Variants in CAMK2D observed in about 807,000 individuals in gnomAD.
CAMK2D encodes calcium/calmodulin dependent protein kinase II delta.
Under a neutral mutation model 84.0 loss-of-function variants are expected in CAMK2D, and 37 were observed. The observed-to-expected ratio is 0.44, with a 90% CI of 0.34 to 0.58. CAMK2D has a LOEUF of 0.58. CAMK2D is among the 20% of genes least tolerant of loss of function. CAMK2D has a pLI of 0.02. For synonymous variants in CAMK2D, 202 were observed against 212.5 expected (o/e 0.95, Z 0.43); for missense variants, 448 against 652.5 (o/e 0.69, Z 3.41).
chr4:113,483,567 G>C (rs571505568), intron 16 of CAMK2D, among the ~76,000 whole-genome samples: 1 of 151,836 alleles, frequency 6.6e-6, no homozygotes, highest in Admixed American at 6.6e-5. Context: ...CACCACACCC[G>C]GCTAATTTTC....
At chr4:113,624,250 G>A (rs946246959) in intron 3 of CAMK2D, among the ~76,000 whole-genome samples, 3 of 152,160 alleles carry the variant, frequency 2.0e-5, no homozygotes, top group African/African-American at 7.2e-5. Flanking sequence ...AAAATAAAAA[G>A]TATGTCAAAT....
intron 16 of CAMK2D, among the ~76,000 whole-genome samples, chr4:113,494,997 G>A (rs1393041898): frequency 2.0e-5 from 3 of 152,168 alleles, no homozygotes; most frequent in Admixed American, 2.0e-4. Flanking sequence ...CCCTGCTTCG[G>A]CTCACGCACG....
chr4:113,534,769 T>C (rs1231234605), intron 7 of CAMK2D, among the ~76,000 whole-genome samples: 1 of 152,208 alleles, frequency 6.6e-6, no homozygotes, highest in Non-Finnish European at 1.5e-5. Flanking sequence ...ACTATTTCAC[T>C]CAATCTTATA....
At chr4:113,701,118 A>G (rs1441988639) in intron 2 of CAMK2D, among the ~76,000 whole-genome samples, 1 of 152,150 alleles carries the variant, frequency 6.6e-6, no homozygotes, top group Non-Finnish European at 1.5e-5. Flanking sequence ...TACTAGATTA[A>G]TTCTTCTAAA....
At chr4:113,760,852 C>G in intron 1 of CAMK2D, 152 bp downstream of exon 1, 1 of 908,192 alleles carries the variant, frequency 1.1e-6, no homozygotes, top group Non-Finnish European at 1.7e-6. Context: ...TTTATTAAGA[C>G]AGCACCTTCC....
chr4:113,570,660 A>G (rs2098748481), intron 4 of CAMK2D, among the ~76,000 whole-genome samples: 1 of 152,244 alleles, frequency 6.6e-6, no homozygotes, highest in Non-Finnish European at 1.5e-5. Flanking sequence ...AAAATAGATT[A>G]AAGACTTAAA....
chr4:113,633,978 T>C (rs1230766867), intron 3 of CAMK2D, among the ~76,000 whole-genome samples: 1 of 152,232 alleles, frequency 6.6e-6, no homozygotes, highest in Non-Finnish European at 1.5e-5. Flanking sequence ...GTGCATGTTT[T>C]ATTAAAAATA....
chr4:113,527,738 T>G (rs1398312788), intron 8 of CAMK2D, among the ~76,000 whole-genome samples: 6 of 152,114 alleles, frequency 3.9e-5, no homozygotes, highest in Non-Finnish European at 7.4e-5. Context: ...AGGTTTTAAA[T>G]TTTCAAAAAA....
intron 16 of CAMK2D, among the ~76,000 whole-genome samples, chr4:113,496,071 C>G (rs1196294707): frequency 6.6e-6 from 1 of 152,160 alleles, no homozygotes; most frequent in Non-Finnish European, 1.5e-5. Context: ...ACAGGTCCTG[C>G]AAACTGTGGC....
chr4:113,454,474 C>G lies in CAMK2D; in HGVS notation c.*71G>C, dbSNP rs777143439. On this transcript the variant is annotated 3_prime_UTR_variant, in exon 21 of 21. Coordinates refer to ENST00000511664, the MANE Select transcript of CAMK2D (RefSeq NM_001321571.2). ...CGGCCCAGGGTCACCATCCAGGTGC[C>G]TTGAGAACAGAGAATGCAGAAGTGG... is the stretch of plus-strand genomic sequence containing the variant. 1.3e-6 allele frequency: 1 copy of G among 778,120 alleles called. No individual in the cohort carries two copies. Among genetic ancestry groups the G allele is most frequent in the Non-Finnish European group, 2.4e-6 (1 of 416,402 alleles). The allele number at this position is 778,120 out of a possible 1,614,324, so 48.2% of individuals were successfully genotyped here.
At chr4:113,632,805 C>A (rs1489971379) in intron 3 of CAMK2D, among the ~76,000 whole-genome samples, 1 of 152,056 alleles carries the variant, frequency 6.6e-6, no homozygotes, top group African/African-American at 2.4e-5. Flanking sequence ...AGAAACAGAA[C>A]AGAATGTGAG....
intron 16 of CAMK2D, among the ~76,000 whole-genome samples, chr4:113,484,539 T>TA (rs2097745314): frequency 1.3e-5 from 2 of 152,136 alleles, no homozygotes; most frequent in African/African-American, 2.4e-5. Context: ...TGAGATTTTT[T>TA]AAAAAAGCCC....
chr4:113,548,106 T>C (rs2098596988), intron 5 of CAMK2D, among the ~76,000 whole-genome samples: 1 of 152,186 alleles, frequency 6.6e-6, no homozygotes, highest in South Asian at 2.1e-4. Context: ...CCAGTATTGT[T>C]CTAAAAGCTG....
chr4:113,516,741 A>G (rs1175134756), intron 9 of CAMK2D, among the ~76,000 whole-genome samples: 1 of 152,180 alleles, frequency 6.6e-6, no homozygotes, highest in African/African-American at 2.4e-5. Flanking sequence ...CTTGTGCACA[A>G]AAGGTGAACC....
At chr4:113,598,404 A>G (rs542488908) in intron 4 of CAMK2D, among the ~76,000 whole-genome samples, 13 of 152,338 alleles carry the variant, frequency 8.5e-5, no homozygotes, top group Non-Finnish European at 1.3e-4. Context: ...TCACACACCT[A>G]TGTTTTATGT....
At chr4:113,674,146 C>T (rs2099307984) in intron 2 of CAMK2D, among the ~76,000 whole-genome samples, 1 of 152,072 alleles carries the variant, frequency 6.6e-6, no homozygotes, top group Non-Finnish European at 1.5e-5. Flanking sequence ...GTAGATTATA[C>T]TAAAGCAGTT....
intron 4 of CAMK2D, among the ~76,000 whole-genome samples, chr4:113,552,786 AT>A (rs1236613992): frequency 6.6e-6 from 1 of 152,198 alleles, no homozygotes; most frequent in Non-Finnish European, 1.5e-5. Flanking sequence ...TACAAGTAAA[AT>A]TACTGGGTGA....
intron 3 of CAMK2D, among the ~76,000 whole-genome samples, chr4:113,642,929 T>C (rs1344206491): frequency 6.6e-6 from 1 of 151,952 alleles, no homozygotes; most frequent in African/African-American, 2.4e-5. Context: ...ATCCAAACCA[T>C]AGCAGAGACC....
At chr4:113,662,911 T>C (rs1372543739) in intron 2 of CAMK2D, among the ~76,000 whole-genome samples, 2 of 152,226 alleles carry the variant, frequency 1.3e-5, no homozygotes. Context: ...TTGTATATAA[T>C]GTATATAATG....
Sources: allele counts gnomAD v4.1 joint callset (sites outside exome capture counted in the v4.1 genomes callset), GRCh38; gene constraint gnomAD v4.1.1; transcripts MANE v1.5; gene names NCBI Gene and HGNC (gene_info 2026-07-23, HGNC 2026-07-21).